The following EPHA7 variants were observed in gnomAD, a reference collection of about 807,000 sequenced individuals.
The protein encoded by EPHA7 is EPH receptor A7, also known as ephrin type-A receptor 7.
A neutral mutation model predicts 112.6 loss-of-function variants in EPHA7; 25 were observed. The ratio of observed to expected loss-of-function variants is 0.22; its 90% CI spans 0.16 to 0.31. The LOEUF (loss-of-function observed/expected upper bound fraction) is 0.31. Among genes scored for constraint, EPHA7 ranks in the 10% least tolerant of loss-of-function variants. The probability of loss-of-function intolerance (pLI) is 1.00; values close to 1 mark genes in which losing one functional copy is unlikely to be tolerated. For missense variants in EPHA7, 962 were observed against 1,212.6 expected, an observed-to-expected ratio of 0.79 and a Z score of 3.07; for synonymous variants, 437 against 406.5, an observed-to-expected ratio of 1.07 and a Z score of -0.90.
intron 5 of EPHA7, among the ~76,000 whole-genome samples, chr6:93,300,522 T>A (rs890696098): frequency 6.6e-6 from 1 of 152,158 alleles, no homozygotes; most frequent in Non-Finnish European, 1.5e-5. Flanking sequence ...ACATGTATAA[T>A]TTTTTAAAAA....
intron 3 of EPHA7, among the ~76,000 whole-genome samples, chr6:93,359,018 CTTCT>C (rs1344329839): frequency 2.0e-5 from 3 of 152,062 alleles, no homozygotes; most frequent in Non-Finnish European, 4.4e-5. Flanking sequence ...ACTAAGTGAA[CTTCT>C]TTGTTACTAA....
chr6:93,322,600 A>C (rs948629631), intron 5 of EPHA7, among the ~76,000 whole-genome samples: 5 of 151,554 alleles, frequency 3.3e-5, no homozygotes, highest in Non-Finnish European at 5.9e-5. Flanking sequence ...TTGGTAAGGG[A>C]ATATTTTAAA....
At chr6:93,291,716 C>T (rs950619463) in intron 5 of EPHA7, among the ~76,000 whole-genome samples, 9 of 143,986 alleles carry the variant, frequency 6.3e-5, no homozygotes, top group Non-Finnish European at 1.2e-4. Context: ...GGCAGTGAGC[C>T]GAGATCCCGC....
rs1773802728 is a variant in EPHA7 at position 93,316,213 on chromosome 6, A to T, written c.1324+40504T>A. On this transcript the variant is annotated intron_variant, in intron 5 of 16. Coordinates refer to ENST00000369303, the MANE Select transcript of EPHA7 (RefSeq NM_004440.4). The stretch of plus-strand genomic sequence containing the variant: ...ATAACTGGTAAGGCAGGAAGGAGTG[A>T]TTTCTAAAAACCTTCATATTTAACA... Among the ~76,000 whole-genome samples, 5 of 152,292 alleles carry T rather than the reference A, an allele frequency of 3.3e-5. No homozygotes were observed. In the South Asian group the frequency reaches 1.0e-3, roughly 32 times the overall value.
Position 93,244,109 on chromosome 6 carries a change from A to T in EPHA7, c.2883-569T>A, listed in dbSNP as rs190607749. ...AACTATCTTTTAAAATGTACATCTA[A>T]ATTTAATAGCTTAAATTTGAATCAA... is the stretch of plus-strand genomic sequence containing the variant. On this transcript the variant is annotated intron_variant, in intron 16 of 16. Coordinates refer to ENST00000369303, the MANE Select transcript of EPHA7 (RefSeq NM_004440.4). Among the ~76,000 whole-genome samples the T allele has an allele frequency of 4.2e-3, 638 of 152,252 alleles. 3 individuals carry two copies. Among genetic ancestry groups the T allele is most frequent in the African/African-American group, 0.015 (612 of 41,560 alleles).
At chr6:93,268,338 T>G (rs1425625969) in intron 7 of EPHA7, among the ~76,000 whole-genome samples, 1 of 151,804 alleles carries the variant, frequency 6.6e-6, no homozygotes, top group African/African-American at 2.4e-5. Context: ...AGAATAATAC[T>G]GCTAGCAAAC....
At chr6:93,388,063 C>T (rs1241542673) in intron 3 of EPHA7, among the ~76,000 whole-genome samples, 1 of 152,070 alleles carries the variant, frequency 6.6e-6, no homozygotes, top group East Asian at 1.9e-4. Context: ...ATAGAGTAAT[C>T]CAAATAGTCC....
intron 5 of EPHA7, among the ~76,000 whole-genome samples, chr6:93,289,740 C>T (rs1168976214): frequency 6.6e-6 from 1 of 152,206 alleles, no homozygotes; most frequent in East Asian, 1.9e-4. Flanking sequence ...TCTCTCATTA[C>T]ATTTTGTCTG....
chr6:93,368,876 G>A (rs1776644106), intron 3 of EPHA7, among the ~76,000 whole-genome samples: 1 of 152,038 alleles, frequency 6.6e-6, no homozygotes, highest in Non-Finnish European at 1.5e-5. Flanking sequence ...ACTAAGTCTT[G>A]TGAAGCAAAT....
rs914469428 is a variant in EPHA7, at chr6:93,241,600, A to G, written c.*1826T>C. The G allele has an allele frequency of 2.7e-5, 6 of 219,286 alleles. No individual in the cohort carries two copies. Among genetic ancestry groups the G allele is most frequent in the African/African-American group, 1.1e-4 (5 of 44,486 alleles). The allele number at this position is 219,286 out of a possible 1,614,324, so 13.6% of individuals were successfully genotyped here. The stretch of plus-strand genomic sequence containing the variant: ...ATCAAAAAATAAATTAAAATATCAA[A>G]TAACACTGTACAGTGATTTAAAACC... On this transcript the variant is annotated 3_prime_UTR_variant, in exon 17 of 17. Transcript: ENST00000369303.
rs1236447200 is a variant in EPHA7, at chr6:93,259,459, T to C, written c.1819A>G (p.Thr607Ala). ...TCATAGGTTTCAGGGTCAATGTAGG[T>C]TTTGGTGCCTGGAAATTTAACTGTA... is the stretch of plus-strand genomic sequence containing the variant. ...YFHFKFPGTK[T>A]YIDPETYEDP... The change falls in exon 10 of 17, where the codon ACC (threonine) becomes GCC (alanine). Residue 607 changes from threonine (T) to alanine (A), a missense_variant. Thr to Ala is a moderately conservative substitution (Grantham distance 58). This residue lies in a region of EPHA7 where 746 missense variants were observed against 889.2 expected (regional missense o/e 0.84). Transcript: ENST00000369303. 1 of 1,611,406 alleles carries C rather than the reference T, an allele frequency of 6.2e-7. No homozygotes were observed. The highest frequency in any genetic ancestry group is 8.5e-7 in the Non-Finnish European group (1 of 1,178,056).
At chr6:93,350,632 T>G (rs991562161) in intron 5 of EPHA7, among the ~76,000 whole-genome samples, 1 of 152,006 alleles carries the variant, frequency 6.6e-6, no homozygotes, top group African/African-American at 2.4e-5. Context: ...TAAAGAGACC[T>G]TTGAAGATAG....
In EPHA7 at chr6:93,246,840, A is replaced by T. The variant is rs757369957; in HGVS notation, c.2678T>A (p.Met893Lys). ...TTTCAGACTATTTGGGTTTCGAATC[A>T]TTTTGTCTAGAATTCCAACTATCTG... ...FEQIVGILDKMIRNPNSLKTP... is the reference protein window; with the variant it reads ...FEQIVGILDKKIRNPNSLKTP... Residue 893 changes from methionine to lysine, a missense_variant, in exon 15 of 17, where the codon ATG becomes AAG. By Grantham distance (95) the Met-to-Lys change is moderately conservative (BLOSUM62 -1). This residue lies in a region of EPHA7 where 746 missense variants were observed against 889.2 expected (regional missense o/e 0.84). Coordinates refer to ENST00000369303, the MANE Select transcript of EPHA7 (RefSeq NM_004440.4). The T allele has an allele frequency of 5.6e-6, 9 of 1,613,050 alleles. No individual in the cohort carries two copies. Among genetic ancestry groups the T allele is most frequent in the Non-Finnish European group, 7.6e-6 (9 of 1,179,122 alleles).
At chr6:93,369,195 CA>C in intron 3 of EPHA7, among the ~76,000 whole-genome samples, 1 of 151,432 alleles carries the variant, frequency 6.6e-6, no homozygotes, top group Non-Finnish European at 1.5e-5. Flanking sequence ...CACACACACA[CA>C]CACACACACA....
At chr6:93,385,232 G>A (rs1439793781) in intron 3 of EPHA7, among the ~76,000 whole-genome samples, 1 of 152,018 alleles carries the variant, frequency 6.6e-6, no homozygotes, top group Non-Finnish European at 1.5e-5. Context: ...TGGTTTATTA[G>A]TAACAGCAAT....
rs1769703035 is a variant in EPHA7, at chr6:93,241,825, C to G, written c.*1601G>C. ...ACTACAGAGAAATGTGTGTACAAAA[C>G]AAGACAGTATAAATAAAATTTACAA... On this transcript the variant is annotated 3_prime_UTR_variant, in exon 17 of 17. Transcript: ENST00000369303. 4.6e-6 allele frequency: 1 copy of G among 218,920 alleles called. No homozygotes were observed. Among genetic ancestry groups the G allele is most frequent in the Admixed American group, 5.8e-5 (1 of 17,266 alleles). The allele number at this position is 218,920 out of a possible 1,614,324, so 13.6% of individuals were successfully genotyped here.
intron 3 of EPHA7, among the ~76,000 whole-genome samples, chr6:93,396,680 C>T (rs1156791971): frequency 6.6e-6 from 1 of 151,742 alleles, no homozygotes; most frequent in Non-Finnish European, 1.5e-5. Flanking sequence ...ATGAAACATG[C>T]AGTTGTAACT....
At chr6:93,343,742 T>A (rs921896072) in intron 5 of EPHA7, among the ~76,000 whole-genome samples, 1 of 151,584 alleles carries the variant, frequency 6.6e-6, no homozygotes, top group African/African-American at 2.4e-5. Context: ...ATTCATCCAT[T>A]TCATCCTTGG....
intron 14 of EPHA7, among the ~76,000 whole-genome samples, chr6:93,250,477 A>C (rs889513850): frequency 2.6e-5 from 4 of 152,136 alleles, no homozygotes; most frequent in Non-Finnish European, 5.9e-5. Context: ...CTAGAGATAA[A>C]GAATGTGTGG....
Sources: gnomAD v4.1 joint callset for allele counts (sites outside exome capture counted in the v4.1 genomes callset) on GRCh38, gnomAD v4.1.1 for gene constraint, gnomAD v4.1.1 regional missense constraint, MANE v1.5 for transcripts, NCBI Gene and HGNC (gene_info 2026-07-23, HGNC 2026-07-21) for gene names.